Variants in SCAPER observed in about 807,000 individuals in gnomAD.
The protein encoded by SCAPER is S phase cyclin A-associated protein in the endoplasmic reticulum.
SCAPER carries 98 observed loss-of-function variants against 182.2 expected under a neutral mutation model. The ratio of observed to expected loss-of-function variants is 0.54; its 90% CI spans 0.46 to 0.64. The LOEUF (loss-of-function observed/expected upper bound fraction) is 0.64. Among genes scored for constraint, SCAPER ranks in the 30% least tolerant of loss-of-function variants. SCAPER has a pLI of 0.00. For missense variants in SCAPER, 1,432 were observed against 1,690.0 expected (o/e 0.85, Z 2.68); for synonymous variants, 605 against 564.6 (o/e 1.07, Z -1.01).
rs577741498 is a variant in SCAPER, at chr15:76,422,802, C to T, written c.3311+11276G>A. Reference sequence around the variant, plus strand: ...ATTTTGAGATACGACCCATCAATACCTAATTTATTGAGAGTTTTTAGCAGG... The same window carrying T: ...ATTTTGAGATACGACCCATCAATACTTAATTTATTGAGAGTTTTTAGCAGG... On this transcript the variant is annotated intron_variant, in intron 26 of 31. Transcript: ENST00000563290. 5.1e-4 allele frequency among the ~76,000 whole-genome samples: 78 copies of T among 152,246 alleles called. 1 individual carries two copies. Among genetic ancestry groups the T allele is most frequent in the African/African-American group, 1.6e-3 (66 of 41,554 alleles).
At chr15:76,531,811 C>A (rs548640727) in intron 23 of SCAPER, among the ~76,000 whole-genome samples, 3 of 152,090 alleles carry the variant, frequency 2.0e-5, no homozygotes, top group African/African-American at 7.2e-5. Flanking sequence ...GTCTACTGAC[C>A]AGTCTTCAGT....
Position 76,667,625 on chromosome 15 carries a change from CAAAAAAAAAAAAAAAAAAAAAA to C in SCAPER, c.2509-1858_2509-1837del, listed in dbSNP as rs775463270. On this transcript the variant is annotated intron_variant, in intron 20 of 31. Transcript: ENST00000563290. ...GGGCAACAAGAGCGAGACTCAGTCT[CAAAAAAAAAAAAAAAAAAAAAA>C]AAAAAAAAAAAAAAACGCTCCTCAG... Among the ~76,000 whole-genome samples the C allele has an allele frequency of 1.5e-3, 41 of 27,474 alleles. 1 individual carries two copies. Among genetic ancestry groups the C allele is most frequent in the African/African-American group, 4.7e-3 (36 of 7,622 alleles). 18.0% of individuals were successfully genotyped at this position (27,474 alleles called of 152,430 possible).
At chr15:76,543,462 T>TACAC (rs2044967657) in intron 23 of SCAPER, among the ~76,000 whole-genome samples, 1 of 152,172 alleles carries the variant, frequency 6.6e-6, no homozygotes, top group African/African-American at 2.4e-5. Context: ...ATTTTAAGTG[T>TACAC]ACACTCCGTG....
intron 22 of SCAPER, among the ~76,000 whole-genome samples, chr15:76,608,789 G>C (rs754067540): frequency 7.9e-5 from 12 of 152,210 alleles, no homozygotes; most frequent in Non-Finnish European, 1.2e-4. Context: ...TGCTAGCAAT[G>C]AGTGAGACTC....
Position 76,478,121 on chromosome 15 carries a change from T to G in SCAPER, c.2955-6786A>C, listed in dbSNP as rs534843385. The stretch of plus-strand genomic sequence containing the variant: ...GCTTTTATGAGCTTTGCCTTTGAAT[T>G]CACAATATAAACTTGATTTAGGCAT... On this transcript the variant is annotated intron_variant, in intron 24 of 31. Coordinates refer to ENST00000563290, the MANE Select transcript of SCAPER (RefSeq NM_020843.4). 2.3e-4 allele frequency among the ~76,000 whole-genome samples: 35 copies of G among 152,114 alleles called. 1 individual carries two copies. The South Asian group carries it at 6.0e-3, about 26-fold the overall frequency.
At chr15:76,861,607 AT>A (rs938735344) in intron 3 of SCAPER, among the ~76,000 whole-genome samples, 5 of 152,078 alleles carry the variant, frequency 3.3e-5, no homozygotes, top group African/African-American at 1.2e-4. Context: ...GGTAGAGATG[AT>A]TTTTTTTCTT....
chr15:76,878,078 T>C (rs192718394), intron 2 of SCAPER, among the ~76,000 whole-genome samples: 215 of 152,306 alleles, frequency 1.4e-3, no homozygotes, highest in Non-Finnish European at 1.7e-3. Context: ...TATGTGTATA[T>C]GGATGTATGT....
chr15:76,622,377 T>C (rs2052165718), intron 21 of SCAPER, among the ~76,000 whole-genome samples: 1 of 151,642 alleles, frequency 6.6e-6, no homozygotes, highest in Non-Finnish European at 1.5e-5. Context: ...ACGAAAAAAT[T>C]ACCCACAATG....
At chr15:76,763,755 C>T (rs1457144692) in intron 14 of SCAPER, among the ~76,000 whole-genome samples, 2 of 152,146 alleles carry the variant, frequency 1.3e-5, no homozygotes, top group African/African-American at 4.8e-5. Context: ...AAGCTCTCTA[C>T]TGCATTTTCT....
At chr15:76,575,300 T>C (rs1045829983) in intron 22 of SCAPER, among the ~76,000 whole-genome samples, 5 of 152,140 alleles carry the variant, frequency 3.3e-5, no homozygotes, top group African/African-American at 7.2e-5. Flanking sequence ...CAAGATCTTA[T>C]TAAATCTCCC....
intron 25 of SCAPER, among the ~76,000 whole-genome samples, chr15:76,468,196 A>C (rs1442243721): frequency 6.6e-6 from 1 of 152,064 alleles, no homozygotes; most frequent in East Asian, 1.9e-4. Context: ...ACCACCCCAA[A>C]CCAGGAAACA....
At chr15:76,514,229 A>G (rs1004127052) in intron 23 of SCAPER, among the ~76,000 whole-genome samples, 3 of 152,160 alleles carry the variant, frequency 2.0e-5, no homozygotes, top group African/African-American at 7.2e-5. Flanking sequence ...AGAAAAACAT[A>G]CCTTTAAAGA....
At chr15:76,525,810 C>T (rs1368250670) in intron 23 of SCAPER, among the ~76,000 whole-genome samples, 1 of 152,132 alleles carries the variant, frequency 6.6e-6, no homozygotes, top group Non-Finnish European at 1.5e-5. Flanking sequence ...AATAGCACAG[C>T]GGTGAACATA....
chr15:76,861,279 G>C (rs1366343347), intron 3 of SCAPER, among the ~76,000 whole-genome samples: 1 of 152,104 alleles, frequency 6.6e-6, no homozygotes, highest in Non-Finnish European at 1.5e-5. Context: ...TAGTTACATA[G>C]GAAAAAATTA....
At chr15:76,466,655 T>A (rs1408742475) in intron 25 of SCAPER, among the ~76,000 whole-genome samples, 1 of 151,654 alleles carries the variant, frequency 6.6e-6, no homozygotes. Context: ...TTGGGATCTG[T>A]GCACTTGACA....
At position 76,869,999 on chromosome 15, in the gene SCAPER, G is replaced by A. The variant is rs559151466; in HGVS notation, c.7-7466C>T. 2.0e-5 allele frequency among the ~76,000 whole-genome samples: 3 copies of A among 152,266 alleles called. No homozygotes were observed. In the East Asian group the frequency reaches 5.8e-4, roughly 29 times the overall value. On this transcript the variant is annotated intron_variant, in intron 2 of 31. Transcript: ENST00000563290. The stretch of plus-strand genomic sequence containing the variant: ...AAGTGAAATAAGCCAAACACAGAAA[G>A]AGAACTATCATATGTTCTCCCTCAT...
In SCAPER at chr15:76,650,193, G is replaced by C. The variant is rs185791114; in HGVS notation, c.2645+15460C>G. 5.3e-5 allele frequency among the ~76,000 whole-genome samples: 8 copies of C among 152,154 alleles called. No individual in the cohort carries two copies. The East Asian group carries it at 5.8e-4, about 11-fold the overall frequency. On this transcript the variant is annotated intron_variant, in intron 21 of 31. Transcript: ENST00000563290. ...GAGCAAACACTAAAAATAAAAAGTG[G>C]TAGAGCTAATAAATCAATGAAGAGA...
chr15:76,666,740 T>G (rs928556165), intron 20 of SCAPER, among the ~76,000 whole-genome samples: 5 of 152,168 alleles, frequency 3.3e-5, no homozygotes, highest in African/African-American at 1.2e-4. Flanking sequence ...TAACCCCATC[T>G]CTCAGTTCAT....
chr15:76,536,277 T>G (rs1044220032), intron 23 of SCAPER, among the ~76,000 whole-genome samples: 5 of 152,152 alleles, frequency 3.3e-5, no homozygotes, highest in Non-Finnish European at 7.4e-5. Context: ...GAGGCTCACT[T>G]CAGCTCAAGA....
Sources: gnomAD v4.1 joint callset for allele counts (sites outside exome capture counted in the v4.1 genomes callset) on GRCh38, gnomAD v4.1.1 for gene constraint, MANE v1.5 for transcripts, NCBI Gene and HGNC (gene_info 2026-07-23, HGNC 2026-07-21) for gene names.